CRACDL: variants seen among roughly 807,000 people sequenced by gnomAD.
CRACDL encodes CRACD like, also known as CRACD-like protein.
Under a neutral mutation model 70.6 loss-of-function variants are expected in CRACDL, and 26 were observed. The ratio of observed to expected loss-of-function variants is 0.37; its 90% CI spans 0.27 to 0.51. The LOEUF (loss-of-function observed/expected upper bound fraction) is 0.51, where lower values mean the gene tolerates loss of function less well. CRACDL is among the 20% of genes least tolerant of loss of function. The pLI, the probability that CRACDL is intolerant of heterozygous loss-of-function variation, is 0.94. For missense variants in CRACDL, 1,283 were observed against 1,376.9 expected (o/e 0.93, Z 1.08); for synonymous variants, 618 against 615.2 (o/e 1.00, Z -0.07).
intron 1 of CRACDL, among the ~76,000 whole-genome samples, chr2:98,877,617 C>T (rs886639890): frequency 4.1e-4 from 62 of 151,914 alleles, no homozygotes; most frequent in East Asian, 1.9e-4. Flanking sequence ...GGTATGGTGG[C>T]GGGTGCCTAT....
chr2:98,866,472 CTTCTT>C (rs1707147113), intron 1 of CRACDL, among the ~76,000 whole-genome samples: 1 of 107,810 alleles, frequency 9.3e-6, no homozygotes, highest in Admixed American at 1.1e-4. Context: ...ACAATCACTT[CTTCTT>C]TTTTTTTTTT....
intron 1 of CRACDL, among the ~76,000 whole-genome samples, chr2:98,879,618 G>A (rs776114868): frequency 6.6e-6 from 1 of 152,090 alleles, no homozygotes; most frequent in Non-Finnish European, 1.5e-5. Flanking sequence ...GCGCAATCTC[G>A]GCTCACTGCA....
chr2:98,865,802 T>TC (rs1290732544), intron 1 of CRACDL, among the ~76,000 whole-genome samples: 2 of 150,698 alleles, frequency 1.3e-5, no homozygotes, highest in East Asian at 3.9e-4. Context: ...TTTCTGCTTT[T>TC]TTTTTTTTTT....
Position 98,821,934 on chromosome 2 carries a change from G to C in CRACDL, c.2339C>G (p.Pro780Arg), listed in dbSNP as rs549707886. Reference sequence around the variant, plus strand: ...TTCCCGCTCTCCCGGGCCGGCGTCGGGGGGCGCGGGCTGGTGCGGGAGCGT... The same window carrying C: ...TTCCCGCTCTCCCGGGCCGGCGTCGCGGGGCGCGGGCTGGTGCGGGAGCGT... ...SFTLPHQPAP[P>R]DAGPGEREPR... is the part of the protein sequence containing the mutation. Residue 780 changes from proline (P) to arginine (R), a missense_variant, in exon 7 of 10, where the codon CCC becomes CGC. Coordinates refer to ENST00000397899, the MANE Select transcript of CRACDL (RefSeq NM_207362.3). 6.4e-5 allele frequency: 100 copies of C among 1,569,732 alleles called. No homozygotes were observed. The African/African-American group carries it at 9.0e-4, about 14-fold the overall frequency.
chr2:98,796,013 A>C, intron 9 of CRACDL, 107 bp downstream of exon 9: 1 of 1,014,430 alleles, frequency 9.9e-7, no homozygotes, highest in Non-Finnish European at 1.6e-6. Flanking sequence ...TAGAAAACTC[A>C]ATGTTGCAAG....
At chr2:98,812,560 C>T (rs564227746) in intron 7 of CRACDL, among the ~76,000 whole-genome samples, 7 of 152,204 alleles carry the variant, frequency 4.6e-5, no homozygotes, top group East Asian at 3.9e-4. Context: ...TTAATAGTTA[C>T]GTAATGGTAT....
At position 98,822,843 on chromosome 2, in the gene CRACDL, T is replaced by A. The variant is rs758180421; in HGVS notation, c.1430A>T (p.Glu477Val). The change falls in exon 7 of 10, where the codon GAG becomes GTG. Residue 477 changes from glutamate to valine, a missense_variant. By Grantham distance (121) the Glu-to-Val change is moderately radical (BLOSUM62 -2). Around this residue, in one of 2 missense-constraint regions of CRACDL, gnomAD observed 921 missense variants for 881.9 expected, o/e 1.04. Transcript: ENST00000397899. This position sits in a 1 kb window ranked among gnomAD's most constrained non-coding sequence, Gnocchi z 4.9. ...CGTGGAGGGCTCGGTCCCAATTCTC[T>A]CGGGCTCGGTCCCCGCTCCTCTCTC... is the stretch of plus-strand genomic sequence containing the variant. ...EPERGAGTEP[E>V]RIGTEPSTAP... The A allele has an allele frequency of 6.9e-7, 1 of 1,445,064 alleles. No individual in the cohort carries two copies. Among genetic ancestry groups the A allele is most frequent in the Non-Finnish European group, 9.0e-7 (1 of 1,107,540 alleles). The allele number at this position is 1,445,064 out of a possible 1,614,324, so 89.5% of individuals were successfully genotyped here. A position where few individuals can be genotyped will look rare whatever the true frequency, so the allele number is the denominator to read the frequency against.
chr2:98,856,561 G>C (rs1167241611), intron 1 of CRACDL, among the ~76,000 whole-genome samples: 2 of 152,230 alleles, frequency 1.3e-5, no homozygotes, highest in Non-Finnish European at 2.9e-5. Flanking sequence ...AATTATAAAA[G>C]ACAGTGTAAT....
intron 1 of CRACDL, among the ~76,000 whole-genome samples, chr2:98,879,528 A>T (rs1573132126): frequency 6.6e-6 from 1 of 152,132 alleles, no homozygotes; most frequent in Non-Finnish European, 1.5e-5. Context: ...ATTCCAAATC[A>T]TTCTAGCCTC....
intron 1 of CRACDL, among the ~76,000 whole-genome samples, chr2:98,849,611 G>A (rs1186463930): frequency 6.6e-6 from 1 of 152,028 alleles, no homozygotes; most frequent in Non-Finnish European, 1.5e-5. Context: ...AGACTCACCT[G>A]TGTAGGTCCT....
At chr2:98,891,475 G>T (rs1354978846) in intron 1 of CRACDL, among the ~76,000 whole-genome samples, 2 of 151,252 alleles carry the variant, frequency 1.3e-5, no homozygotes, top group Admixed American at 6.6e-5. Context: ...TGGGTACATG[G>T]TTTCTTTTTC....
chr2:98,820,171 C>T (rs1704967178), intron 7 of CRACDL, among the ~76,000 whole-genome samples: 1 of 152,012 alleles, frequency 6.6e-6, no homozygotes, highest in Non-Finnish European at 1.5e-5. Context: ...CTAGGGCCCC[C>T]ATCACATGCA....
rs1705580461 is a variant in CRACDL, at chr2:98,832,408, C to G, written c.480G>C (p.Leu160=). The G allele has an allele frequency of 6.8e-6, 11 of 1,614,162 alleles. No individual in the cohort carries two copies. The East Asian group carries it at 2.5e-4, about 36-fold the overall frequency. Reference sequence around the variant, plus strand: ...GAGACATCTCTGGGGGGCTCCTGGGCAGCCCGTCGTCCTCAGAGCTCATGC... The same window carrying G: ...GAGACATCTCTGGGGGGCTCCTGGGGAGCCCGTCGTCCTCAGAGCTCATGC... The part of the protein sequence containing the change: ...DAGMSSEDDG[L]PRSPPEMSLL... The change falls in exon 5 of 10, where the codon CTG becomes CTC. Residue 160 remains leucine (L), a synonymous_variant. Coordinates refer to ENST00000397899, the MANE Select transcript of CRACDL (RefSeq NM_207362.3).
intron 7 of CRACDL, among the ~76,000 whole-genome samples, chr2:98,805,051 A>G (rs1476342183): frequency 2.6e-5 from 4 of 152,108 alleles, no homozygotes; most frequent in Non-Finnish European, 5.9e-5. Context: ...GTGCATGGAG[A>G]CAGGCTCTCC....
At chr2:98,888,445 C>T (rs1317458749) in intron 1 of CRACDL, among the ~76,000 whole-genome samples, 1 of 152,072 alleles carries the variant, frequency 6.6e-6, no homozygotes, top group Non-Finnish European at 1.5e-5. Flanking sequence ...TGGTATTAAT[C>T]CAGACTAGAT....
At chr2:98,888,662 C>T (rs960808685) in intron 1 of CRACDL, among the ~76,000 whole-genome samples, 3 of 152,040 alleles carry the variant, frequency 2.0e-5, no homozygotes, top group Non-Finnish European at 4.4e-5. Context: ...TAAATCCCAC[C>T]TTATTAAAAA....
At chr2:98,890,817 G>T (rs1464370650) in intron 1 of CRACDL, among the ~76,000 whole-genome samples, 1 of 152,010 alleles carries the variant, frequency 6.6e-6, no homozygotes, top group Non-Finnish European at 1.5e-5. Context: ...AGCACATTGG[G>T]AGGCCGAGGT....
At chr2:98,893,962 G>A (rs1708049920) in intron 1 of CRACDL, among the ~76,000 whole-genome samples, 1 of 152,150 alleles carries the variant, frequency 6.6e-6, no homozygotes, top group Non-Finnish European at 1.5e-5. Flanking sequence ...ATGGGCGTGG[G>A]CATCAGGCTG....
chr2:98,886,459 A>C (rs892042929), intron 1 of CRACDL, among the ~76,000 whole-genome samples: 1 of 152,210 alleles, frequency 6.6e-6, no homozygotes, highest in African/African-American at 2.4e-5. Flanking sequence ...CTGCGCATAT[A>C]CTCAGGGAAG....
Sources: allele counts gnomAD v4.1 joint callset (sites outside exome capture counted in the v4.1 genomes callset), GRCh38; gene constraint gnomAD v4.1.1; regional missense constraint gnomAD v4.1.1; non-coding constraint Gnocchi (gnomAD v3.1); transcripts MANE v1.5; gene names NCBI Gene and HGNC (gene_info 2026-07-23, HGNC 2026-07-21).